The following CARMIL3 variants were observed in gnomAD, a reference collection of about 807,000 sequenced individuals.
The protein encoded by CARMIL3 is capping protein regulator and myosin 1 linker 3, also known as capping protein, Arp2/3 and myosin-I linker protein 3.
Under a neutral mutation model 180.8 loss-of-function variants are expected in CARMIL3, and 88 were observed. The ratio of observed to expected loss-of-function variants is 0.49; its 90% confidence interval spans 0.41 to 0.58. The LOEUF (loss-of-function observed/expected upper bound fraction) is 0.58. Ranked by LOEUF, CARMIL3 falls within the 20% of genes least tolerant of loss-of-function variation. The pLI is 0.00. For synonymous variants in CARMIL3, 696 were observed against 714.5 expected (o/e 0.97, Z 0.41); for missense variants, 1,548 against 1,787.0 (o/e 0.87, Z 2.41).
chr14:24,054,091 C>G lies in CARMIL3; in HGVS notation c.139C>G (p.Leu47Val), dbSNP rs150047533. The change falls in exon 3 of 40, where the codon CTG (leucine) becomes GTG (valine). Residue 47 changes from leucine to valine, a missense_variant. By Grantham distance (32) the Leu-to-Val change is conservative. This residue lies in a region of CARMIL3 where 578 missense variants were observed against 666.5 expected (regional missense o/e 0.87). Transcript: ENST00000342740. The surrounding 1 kb of genome is among the most constrained non-coding windows in gnomAD (Gnocchi z 5.1). Reference protein sequence around the residue: ...PKKFEDRVLALTSWRLHLFLL... With the variant: ...PKKFEDRVLAVTSWRLHLFLL... ...CGATTTTTTCCTCTCTCTGTAGGCCCTGACCTCCTGGCGCCTCCACCTCTT... is the reference window on the plus strand; with the variant it reads ...CGATTTTTTCCTCTCTCTGTAGGCCGTGACCTCCTGGCGCCTCCACCTCTT... 1.5e-5 allele frequency: 25 copies of G among 1,613,612 alleles called. No individual in the cohort carries two copies. Among genetic ancestry groups the G allele is most frequent in the African/African-American group, 2.7e-5 (2 of 74,922 alleles).
chr14:24,069,284 C>G, intron 39 of CARMIL3, 37 bp downstream of exon 39: 1 of 1,612,550 alleles, frequency 6.2e-7, no homozygotes, highest in Non-Finnish European at 8.5e-7. Context: ...CCCTTCCCAC[C>G]TATCTGTCCA....
In CARMIL3 at chr14:24,054,538, A is replaced by C. The variant is rs1368511443; in HGVS notation, c.362+27A>C. 6.2e-7 allele frequency: 1 copy of C among 1,603,514 alleles called. No individual in the cohort carries two copies. The highest frequency in any genetic ancestry group is 8.5e-7 in the Non-Finnish European group (1 of 1,171,504). On this transcript the variant is annotated intron_variant, in intron 5 of 39. Coordinates refer to ENST00000342740, the MANE Select transcript of CARMIL3 (RefSeq NM_138360.4). The surrounding 1 kb of genome is among the most constrained non-coding windows in gnomAD (Gnocchi z 5.1). ...TGAGTGGCAAATAAGGGGTCTCTTA[A>C]GGCATTAGATGAGAGGGAGAGTTCA...
chr14:24,056,219 C>T (rs769590557), intron 10 of CARMIL3, 80 bp from the exon 11 acceptor site: 74 of 1,167,104 alleles, frequency 6.3e-5, no homozygotes, highest in Non-Finnish European at 9.0e-5. Context: ...GCCAGGCAGT[C>T]AGGTAGAGGA....
chr14:24,055,635 G>T lies in CARMIL3; in HGVS notation c.681+17G>T, dbSNP rs763979102. 8 of 1,614,156 alleles carry T rather than the reference G, an allele frequency of 5.0e-6. No individual in the cohort carries two copies. The highest frequency in any genetic ancestry group is 5.9e-6 in the Non-Finnish European group (7 of 1,180,016). On this transcript the variant is annotated intron_variant, in intron 9 of 39. Transcript: ENST00000342740. The stretch of plus-strand genomic sequence containing the variant: ...TTGCGGCTGGTAGGAACTGGGAGGG[G>T]CTGGTGAGGTGGGAGAAGTAGTGCC...
At position 24,069,573 on chromosome 14, in the gene CARMIL3, C is replaced by T. The variant is rs1199508113; in HGVS notation, c.*169C>T. 3 of 778,390 alleles carry T rather than the reference C, an allele frequency of 3.9e-6. No individual in the cohort carries two copies. The highest frequency in any genetic ancestry group is 3.5e-5 in the African/African-American group (2 of 57,056). 48.2% of individuals were successfully genotyped at this position (778,390 alleles called of 1,614,324 possible). ...CAGGGACTAGAACAGAGGGAGCCAC[C>T]TGGAGAGACGGAGGCTGTCAGTGCC... On this transcript the variant is annotated 3_prime_UTR_variant, in exon 40 of 40. Transcript: ENST00000342740.
rs1184040537 is a variant in CARMIL3, at chr14:24,053,604, C to T, written c.41-105C>T. 3 of 777,180 alleles carry T rather than the reference C, an allele frequency of 3.9e-6. No homozygotes were observed. The East Asian group carries it at 7.7e-5, about 20-fold the overall frequency. The allele number at this position is 777,180 out of a possible 1,614,324, so 48.1% of individuals were successfully genotyped here. On this transcript the variant is annotated intron_variant, in intron 1 of 39. Transcript: ENST00000342740. ...CTCCCTTCTTTGTCTCTCTGTTTCT[C>T]TCTTATCCCATTTGACCCTGACCCT...
At position 24,058,334 on chromosome 14, in the gene CARMIL3, C is replaced by A. The variant is rs1448806759; in HGVS notation, c.1392+110C>A. The stretch of plus-strand genomic sequence containing the variant: ...CCTCTGTGCTGACCCTCTGCGACCC[C>A]CTGACCTGGCCACACCACCACTTTC... On this transcript the variant is annotated intron_variant, in intron 17 of 39. Coordinates refer to ENST00000342740, the MANE Select transcript of CARMIL3 (RefSeq NM_138360.4). This position sits in a 1 kb window ranked among gnomAD's most constrained non-coding sequence, Gnocchi z 6.4. The A allele has an allele frequency of 8.6e-7, 1 of 1,167,370 alleles. No homozygotes were observed. The allele number at this position is 1,167,370 out of a possible 1,614,324, so 72.3% of individuals were successfully genotyped here.
rs972724347 is a variant in CARMIL3 at position 24,065,376 on chromosome 14, G to A, written c.3396+103G>A. ...TTAATGGGAGAATGCTAGGACCCAGGGTTCTTGGGAACATTGGTCATTTCA... is the reference window on the plus strand; with the variant it reads ...TTAATGGGAGAATGCTAGGACCCAGAGTTCTTGGGAACATTGGTCATTTCA... On this transcript the variant is annotated intron_variant, in intron 33 of 39. Transcript: ENST00000342740. 5.8e-6 allele frequency: 7 copies of A among 1,210,790 alleles called. No homozygotes were observed. In the African/African-American group the frequency reaches 9.3e-5, roughly 16 times the overall value. The allele number at this position is 1,210,790 out of a possible 1,614,324, so 75.0% of individuals were successfully genotyped here.
At chr14:24,062,217 A>C (rs1292163180) in intron 27 of CARMIL3, 1 of 558,958 alleles carries the variant, frequency 1.8e-6, no homozygotes, top group Non-Finnish European at 3.2e-6. Context: ...GGCCTGACCT[A>C]GGGCCCCCTT....
At position 24,055,159 on chromosome 14, in the gene CARMIL3, A is replaced by C. The variant is rs149626216; in HGVS notation, c.531+23A>C. 1,823 of 1,614,032 alleles carry C rather than the reference A, an allele frequency of 1.1e-3. 16 individuals carry two copies. The African/African-American group carries it at 0.021, about 19-fold the overall frequency. ...TGGGTATGTTGGGCAGGGACCCCATAGGGAACAGGTGGGACCTGGAGGGAA... is the reference window on the plus strand; with the variant it reads ...TGGGTATGTTGGGCAGGGACCCCATCGGGAACAGGTGGGACCTGGAGGGAA... On this transcript the variant is annotated intron_variant, in intron 7 of 39. Transcript: ENST00000342740.
In CARMIL3 at chr14:24,068,850, C is replaced by A. The variant is rs753341360; in HGVS notation, c.3866C>A (p.Pro1289His). 6.2e-7 allele frequency: 1 copy of A among 1,613,636 alleles called. No homozygotes were observed. Among genetic ancestry groups the A allele is most frequent in the South Asian group, 1.1e-5 (1 of 91,032 alleles). Residue 1289 changes from proline to histidine, a missense_variant, in exon 38 of 40, where the codon CCT becomes CAT. This residue lies in a region of CARMIL3 where 668 missense variants were observed against 687.8 expected (regional missense o/e 0.97). Coordinates refer to ENST00000342740, the MANE Select transcript of CARMIL3 (RefSeq NM_138360.4). Reference sequence around the variant, plus strand: ...GTGGCTGTGCCCAGGGGCCGCCAGCCTCCCCAGGAGCCAGGGGTCAGGGAG... The same window carrying A: ...GTGGCTGTGCCCAGGGGCCGCCAGCATCCCCAGGAGCCAGGGGTCAGGGAG... Reference protein sequence around the residue: ...KPVAVPRGRQPPQEPGVREEA... With the variant: ...KPVAVPRGRQHPQEPGVREEA...
Position 24,057,214 on chromosome 14 carries a change from C to T in CARMIL3, c.1110C>T (p.Asp370=). 1.2e-6 allele frequency: 2 copies of T among 1,614,086 alleles called. No individual in the cohort carries two copies. The highest frequency in any genetic ancestry group is 1.7e-6 in the Non-Finnish European group (2 of 1,179,964). Reference sequence around the variant, plus strand: ...AACCCAACGCCCTGGTGCACCTGGACCTGTCAGGAACTGACTGCGTCATCG... The same window carrying T: ...AACCCAACGCCCTGGTGCACCTGGATCTGTCAGGAACTGACTGCGTCATCG... ...LAQPNALVHL[D]LSGTDCVIDL... is the part of the protein sequence containing the mutation. The change falls in exon 14 of 40, where the codon GAC becomes GAT. Residue 370 remains aspartate, a synonymous_variant. Transcript: ENST00000342740.
chr14:24,052,424 G>T (rs951037341), intron 1 of CARMIL3, among the ~76,000 whole-genome samples: 5 of 152,246 alleles, frequency 3.3e-5, no homozygotes, highest in Admixed American at 3.3e-4. Flanking sequence ...CGCCCGTCCC[G>T]CCCTTCGGTG....
chr14:24,056,384 G>C lies in CARMIL3; in HGVS notation c.856G>C (p.Glu286Gln), dbSNP rs777788779. 1.2e-6 allele frequency: 2 copies of C among 1,613,038 alleles called. No individual in the cohort carries two copies. Among genetic ancestry groups the C allele is most frequent in the Non-Finnish European group, 1.7e-6 (2 of 1,179,300 alleles). The change falls in exon 11 of 40, where the codon GAG (glutamate) becomes CAG (glutamine). Residue 286 changes from glutamate to glutamine, a missense_variant. Physicochemically the swap from Glu to Gln is conservative, Grantham distance 29 (BLOSUM62 2). Around this residue, in one of 4 missense-constraint regions of CARMIL3, gnomAD observed 578 missense variants for 666.5 expected, o/e 0.87. Transcript: ENST00000342740. Reference protein sequence around the residue: ...HALTLSHNPIEDKGFLSLSQQ... With the variant: ...HALTLSHNPIQDKGFLSLSQQ... Reference sequence around the variant, plus strand: ...CCTCACTCTGTCCCACAACCCCATCGAGGACAAGGGTGAGCCCCAGCCCTG... The same window carrying C: ...CCTCACTCTGTCCCACAACCCCATCCAGGACAAGGGTGAGCCCCAGCCCTG...
Position 24,054,704 on chromosome 14 carries a change from T to C in CARMIL3, c.363-7T>C. On this transcript the variant is annotated splice_region_variant and splice_polypyrimidine_tract_variant and intron_variant, in intron 5 of 39. Coordinates refer to ENST00000342740, the MANE Select transcript of CARMIL3 (RefSeq NM_138360.4). The surrounding 1 kb of genome is among the most constrained non-coding windows in gnomAD (Gnocchi z 5.1). Reference sequence around the variant, plus strand: ...GCCCTCTCTGGAATGACTTGTTTCTTTTCCAGGTGTTTGATCCGGCGTGGA... The same window carrying C: ...GCCCTCTCTGGAATGACTTGTTTCTCTTCCAGGTGTTTGATCCGGCGTGGA... 6.2e-7 allele frequency: 1 copy of C among 1,612,908 alleles called. No individual in the cohort carries two copies. Among genetic ancestry groups the C allele is most frequent in the South Asian group, 1.1e-5 (1 of 90,958 alleles).
intron 11 of CARMIL3, 82 bp from the exon 12 acceptor site, chr14:24,056,540 C>T: frequency 2.0e-6 from 3 of 1,509,688 alleles, no homozygotes; most frequent in Non-Finnish European, 2.8e-6. Context: ...CTGTACCCTA[C>T]TCGAGCCCCC....
At position 24,053,699 on chromosome 14, in the gene CARMIL3, C is replaced by A. The variant is rs754111941; in HGVS notation, c.41-10C>A. 2.5e-6 allele frequency: 4 copies of A among 1,600,408 alleles called. No individual in the cohort carries two copies. Among genetic ancestry groups the A allele is most frequent in the Admixed American group, 3.4e-5 (2 of 58,870 alleles). On this transcript the variant is annotated splice_polypyrimidine_tract_variant and intron_variant, in intron 1 of 39. Coordinates refer to ENST00000342740, the MANE Select transcript of CARMIL3 (RefSeq NM_138360.4). ...GGTGAAGCTCTGAGCAGGCTCCCAC[C>A]CCCCCTCAGACAGCATCCGGAGGTG...
chr14:24,069,097 C>A lies in CARMIL3; in HGVS notation c.3983-40C>A, dbSNP rs746784675. The A allele has an allele frequency of 1.9e-6, 3 of 1,609,716 alleles. No homozygotes were observed. In the South Asian group the frequency reaches 3.3e-5, roughly 18 times the overall value. On this transcript the variant is annotated intron_variant, in intron 38 of 39. Transcript: ENST00000342740. ...GCCTGGATGAGCATCCCAGCATGAG[C>A]CCCACTCCTGTGTTAGGCCTGCCTT...
chr14:24,060,289 C>T lies in CARMIL3; in HGVS notation c.2061+34C>T, dbSNP rs778624728. 3.7e-5 allele frequency: 59 copies of T among 1,608,126 alleles called. No homozygotes were observed. The South Asian group carries it at 4.3e-4, about 12-fold the overall frequency. On this transcript the variant is annotated intron_variant, in intron 24 of 39. Transcript: ENST00000342740. The stretch of plus-strand genomic sequence containing the variant: ...TTCCCTCTGGGACACGGGGCATACC[C>T]GGGGCATGCAGGGCACAGTGTGATG...
Sources: allele counts gnomAD v4.1 joint callset (sites outside exome capture counted in the v4.1 genomes callset), GRCh38; gene constraint gnomAD v4.1.1; regional missense constraint gnomAD v4.1.1; non-coding constraint Gnocchi (gnomAD v3.1); transcripts MANE v1.5; gene names NCBI Gene and HGNC (gene_info 2026-07-23, HGNC 2026-07-21).